DHRSX: variants seen among roughly 807,000 people sequenced by gnomAD.
DHRSX encodes the protein dehydrogenase/reductase X-linked, also known as polyprenol dehydrogenase.
A neutral mutation model predicts 34.0 loss-of-function variants in DHRSX; 31 were observed. The observed-to-expected ratio is 0.91, with a 90% CI of 0.69 to 1.23. The LOEUF (loss-of-function observed/expected upper bound fraction) is 1.23. Among genes scored for constraint, DHRSX ranks in the 50% most tolerant of loss-of-function variants. The pLI is 0.00. For synonymous variants in DHRSX, 201 were observed against 183.8 expected (o/e 1.09, Z -0.76); for missense variants, 414 against 428.1 (o/e 0.97, Z 0.29).
intron 3 of DHRSX, among the ~76,000 whole-genome samples, chrX:2,372,649 C>T (rs2043087588): frequency 6.6e-6 from 1 of 151,050 alleles, no homozygotes; most frequent in Non-Finnish European, 1.5e-5. Flanking sequence ...CCTCTTGTTG[C>T]CCAGGCTGGA....
chrX:2,418,593 CA>C (rs1215108233), intron 2 of DHRSX, among the ~76,000 whole-genome samples: 1 of 152,096 alleles, frequency 6.6e-6, no homozygotes, highest in African/African-American at 2.4e-5. Context: ...CTGGAGGAGA[CA>C]AAAGATCAAA....
chrX:2,340,138 A>G (rs1204324534), intron 3 of DHRSX, among the ~76,000 whole-genome samples: 3 of 151,808 alleles, frequency 2.0e-5, no homozygotes, highest in African/African-American at 4.8e-5. Flanking sequence ...GAGCTGAACA[A>G]TAAGAACACA....
intron 3 of DHRSX, among the ~76,000 whole-genome samples, chrX:2,353,947 C>G (rs2042817951): frequency 6.6e-6 from 1 of 152,006 alleles, no homozygotes; most frequent in Admixed American, 6.6e-5. Context: ...GACTGAGTAC[C>G]AGTGGGATAC....
At chrX:2,401,108 CTTTTTTT>C (rs35151918) in intron 3 of DHRSX, among the ~76,000 whole-genome samples, 1 of 128,528 alleles carries the variant, frequency 7.8e-6, no homozygotes, top group African/African-American at 2.9e-5. Context: ...ATTTGGGAAG[CTTTTTTT>C]TTTTTTTTTT....
intron 1 of DHRSX, among the ~76,000 whole-genome samples, chrX:2,467,080 A>C (rs1682669485): frequency 6.6e-6 from 1 of 151,564 alleles, no homozygotes; most frequent in Non-Finnish European, 1.5e-5. Context: ...AAAAAAAAAA[A>C]AACGCTACAT....
chrX:2,486,795 G>A (rs1013827610), intron 1 of DHRSX: 2 of 152,276 alleles, frequency 1.3e-5, no homozygotes, highest in African/African-American at 4.8e-5. Flanking sequence ...AGAAAGCAAA[G>A]GTTACGTGGA....
chrX:2,394,643 A>G (rs2043386062), intron 3 of DHRSX, among the ~76,000 whole-genome samples: 1 of 152,106 alleles, frequency 6.6e-6, no homozygotes, highest in African/African-American at 2.4e-5. Context: ...TGAGGCGGGC[A>G]GATCACAAGG....
At chrX:2,225,728 C>G (rs2015644181) in intron 6 of DHRSX, among the ~76,000 whole-genome samples, 1 of 150,814 alleles carries the variant, frequency 6.6e-6, no homozygotes, top group Admixed American at 6.6e-5. Flanking sequence ...GAGGGACAAC[C>G]CTGTGAGGAC....
rs1020461121 is a variant in DHRSX at position 2,294,477 on chromosome X, C to T, written c.287-2874G>A. On this transcript the variant is annotated intron_variant, in intron 3 of 6. Coordinates refer to ENST00000334651, the MANE Select transcript of DHRSX (RefSeq NM_145177.3). Reference sequence around the variant, plus strand: ...GTCAGGAGTTCGAGACCAGCCTGGCCATTGTGGTCAAACTCCATCTCTACT... The same window carrying T: ...GTCAGGAGTTCGAGACCAGCCTGGCTATTGTGGTCAAACTCCATCTCTACT... Among the ~76,000 whole-genome samples the T allele has an allele frequency of 1.9e-4, 29 of 151,862 alleles. 1 individual carries two copies. The highest frequency in any genetic ancestry group is 4.6e-4 in the Admixed American group (7 of 15,228).
At chrX:2,320,278 C>T (rs774420146) in intron 3 of DHRSX, among the ~76,000 whole-genome samples, 227 of 123,548 alleles carry the variant, frequency 1.8e-3, no homozygotes, top group African/African-American at 6.5e-3. Context: ...CACATATTTC[C>T]CTATGTGGAC....
intron 3 of DHRSX, among the ~76,000 whole-genome samples, chrX:2,315,628 A>G (rs2042233014): frequency 6.6e-6 from 1 of 152,116 alleles, no homozygotes; most frequent in Non-Finnish European, 1.5e-5. Flanking sequence ...TCTGCTGCGT[A>G]ACAAAACGCC....
At chrX:2,369,175 T>G (rs1413796666) in intron 3 of DHRSX, among the ~76,000 whole-genome samples, 1 of 152,130 alleles carries the variant, frequency 6.6e-6, no homozygotes, top group African/African-American at 2.4e-5. Flanking sequence ...CGGTTGAAAC[T>G]TCCCCCCAGC....
intron 6 of DHRSX, among the ~76,000 whole-genome samples, chrX:2,238,586 CTTTTTTTT>C (rs758589373): frequency 1.4e-5 from 2 of 142,394 alleles, no homozygotes; most frequent in African/African-American, 5.2e-5. Context: ...TTTCTTCTTT[CTTTTTTTT>C]TTTTTTGAGA....
intron 1 of DHRSX, among the ~76,000 whole-genome samples, chrX:2,433,141 CA>C (rs1741029940): frequency 6.6e-6 from 1 of 151,810 alleles, no homozygotes; most frequent in Non-Finnish European, 1.5e-5. Context: ...TGGTAAAAAA[CA>C]AAACAAATCT....
intron 1 of DHRSX, among the ~76,000 whole-genome samples, chrX:2,457,029 T>C (rs1249722469): frequency 3.3e-5 from 5 of 152,104 alleles, no homozygotes; most frequent in Admixed American, 2.6e-4. Flanking sequence ...AGGCTGGCTG[T>C]GTCTCTCACT....
chrX:2,396,206 C>T (rs2043407277), intron 3 of DHRSX, among the ~76,000 whole-genome samples: 1 of 152,008 alleles, frequency 6.6e-6, no homozygotes, highest in South Asian at 2.1e-4. Context: ...TTAAGACTCA[C>T]CCTAATCCAG....
intron 5 of DHRSX, among the ~76,000 whole-genome samples, chrX:2,265,664 C>T: frequency 7.0e-6 from 1 of 142,684 alleles, no homozygotes; most frequent in African/African-American, 2.6e-5. Context: ...GAGCACTGTA[C>T]CCAGAGCACC....
At chrX:2,324,349 C>G (rs1331561458) in intron 3 of DHRSX, among the ~76,000 whole-genome samples, 1 of 152,150 alleles carries the variant, frequency 6.6e-6, no homozygotes, top group Non-Finnish European at 1.5e-5. Context: ...GCTCTCACTC[C>G]TCTCTCTCAG....
chrX:2,421,135 T>C lies in DHRSX; in HGVS notation c.217+4062A>G, dbSNP rs563029948. On this transcript the variant is annotated intron_variant, in intron 2 of 6. Coordinates refer to ENST00000334651, the MANE Select transcript of DHRSX (RefSeq NM_145177.3). ...GGCTCACACCTGTAATCCCAGCACT[T>C]TGGGAAGCCGAGGCAGGCAGATCGC... Among the ~76,000 whole-genome samples, 210 of 152,212 alleles carry C rather than the reference T, an allele frequency of 1.4e-3. 1 individual carries two copies. Among genetic ancestry groups the C allele is most frequent in the African/African-American group, 4.8e-3 (199 of 41,530 alleles).
Sources: gnomAD v4.1 joint callset for allele counts (sites outside exome capture counted in the v4.1 genomes callset) on GRCh38, gnomAD v4.1.1 for gene constraint, MANE v1.5 for transcripts, NCBI Gene and HGNC (gene_info 2026-07-23, HGNC 2026-07-21) for gene names.